MACROD2: variants seen among roughly 807,000 people sequenced by gnomAD.
MACROD2 encodes mono-ADP ribosylhydrolase 2.
In MACROD2, 36 loss-of-function variants were observed where a neutral mutation model predicts 70.4. The observed-to-expected ratio is 0.51, with a 90% CI of 0.39 to 0.68. The LOEUF (loss-of-function observed/expected upper bound fraction) is 0.68, where lower values mean the gene tolerates loss of function less well. Ranked by LOEUF, MACROD2 falls within the 30% of genes least tolerant of loss-of-function variation. MACROD2 has a pLI of 0.00. For synonymous variants in MACROD2, 172 were observed against 178.8 expected (o/e 0.96, Z 0.30); for missense variants, 496 against 538.4 (o/e 0.92, Z 0.78).
At chr20:14,190,692 A>ATATT (rs2081378087) in intron 3 of MACROD2, among the ~76,000 whole-genome samples, 1 of 39,938 alleles carries the variant, frequency 2.5e-5, no homozygotes, top group Non-Finnish European at 4.4e-5. Flanking sequence ...ATATATATAT[A>ATATT]TATATATTTT....
chr20:15,384,693 A>G (rs892976987), intron 6 of MACROD2, among the ~76,000 whole-genome samples: 2 of 152,208 alleles, frequency 1.3e-5, no homozygotes, highest in African/African-American at 4.8e-5. Flanking sequence ...GTGTATTTAT[A>G]TATACTATCT....
At chr20:14,738,035 T>C (rs964448555) in intron 5 of MACROD2, among the ~76,000 whole-genome samples, 1 of 152,120 alleles carries the variant, frequency 6.6e-6, no homozygotes, top group Non-Finnish European at 1.5e-5. Context: ...GCTATATACA[T>C]ATTTCAGAAA....
chr20:14,167,007 C>T (rs1345664568), intron 3 of MACROD2, among the ~76,000 whole-genome samples: 3 of 152,214 alleles, frequency 2.0e-5, no homozygotes, highest in African/African-American at 7.2e-5. Flanking sequence ...CTCTGCATTT[C>T]TGGTTTTGGT....
intron 5 of MACROD2, among the ~76,000 whole-genome samples, chr20:15,039,723 C>G (rs1446391155): frequency 6.6e-6 from 1 of 152,138 alleles, no homozygotes; most frequent in Non-Finnish European, 1.5e-5. Flanking sequence ...GAGAAATCAA[C>G]TGGAGACAGC....
At chr20:15,850,073 G>T (rs1386672850) in intron 8 of MACROD2, among the ~76,000 whole-genome samples, 2 of 152,084 alleles carry the variant, frequency 1.3e-5, no homozygotes, top group Non-Finnish European at 2.9e-5. Flanking sequence ...AGATGAAGTG[G>T]ATATCTGACC....
At chr20:14,024,975 A>G (rs1338477550) in intron 2 of MACROD2, among the ~76,000 whole-genome samples, 1 of 152,182 alleles carries the variant, frequency 6.6e-6, no homozygotes, top group East Asian at 1.9e-4. Context: ...ACTCTGGTAG[A>G]ATTCAATTGT....
intron 8 of MACROD2, among the ~76,000 whole-genome samples, chr20:15,660,073 T>C (rs1157359199): frequency 6.6e-6 from 1 of 152,066 alleles, no homozygotes; most frequent in East Asian, 1.9e-4. Flanking sequence ...TACAGTCACA[T>C]AAAAGTGATC....
chr20:14,078,086 T>G (rs6042512), intron 2 of MACROD2, among the ~76,000 whole-genome samples: 1 of 152,034 alleles, frequency 6.6e-6, no homozygotes, highest in Non-Finnish European at 1.5e-5. Flanking sequence ...ATTTTTAGTA[T>G]AGACGGGGTT....
intron 5 of MACROD2, among the ~76,000 whole-genome samples, chr20:14,862,007 A>ATATATATTTATATATATATATATATATT (rs1568838660): frequency 1.7e-4 from 4 of 23,094 alleles, no homozygotes; most frequent in African/African-American, 1.5e-4. Flanking sequence ...ATATATATTT[A>ATATATATTTATATATATATATATATATT]TATATATATA....
chr20:15,524,836 C>T (rs911595042), intron 8 of MACROD2, among the ~76,000 whole-genome samples: 1 of 152,204 alleles, frequency 6.6e-6, no homozygotes, highest in African/African-American at 2.4e-5. Flanking sequence ...AACCACATTT[C>T]AAGGACTCAA....
At chr20:14,368,089 C>T (rs183712592) in intron 3 of MACROD2, among the ~76,000 whole-genome samples, 133 of 152,292 alleles carry the variant, frequency 8.7e-4, no homozygotes, top group Non-Finnish European at 1.3e-3. Flanking sequence ...GTTTATACAT[C>T]ACATTGCTGA....
chr20:14,173,188 G>A (rs1051518363), intron 3 of MACROD2, among the ~76,000 whole-genome samples: 1 of 152,136 alleles, frequency 6.6e-6, no homozygotes, highest in Non-Finnish European at 1.5e-5. Context: ...CAGATCTCTA[G>A]CAAGGCCAGG....
intron 8 of MACROD2, among the ~76,000 whole-genome samples, chr20:15,610,872 A>G (rs1424698275): frequency 1.3e-5 from 2 of 152,066 alleles, no homozygotes. Flanking sequence ...CTGTGGCCTC[A>G]TGCAGAAGGC....
intron 4 of MACROD2, among the ~76,000 whole-genome samples, chr20:14,559,249 A>C (rs1347806609): frequency 2.0e-5 from 3 of 151,768 alleles, no homozygotes; most frequent in Non-Finnish European, 3.0e-5. Context: ...GTGTTCTTTG[A>C]ATTTACACTT....
At chr20:15,119,170 T>C (rs1040881) in intron 5 of MACROD2, among the ~76,000 whole-genome samples, 32,830 of 152,112 alleles carry the variant, frequency 0.22, 4,870 homozygotes, top group Non-Finnish European at 0.33. Flanking sequence ...TATTGGCCCA[T>C]AGAGATTGAT....
intron 13 of MACROD2, among the ~76,000 whole-genome samples, chr20:15,970,314 T>C (rs1279418219): frequency 6.6e-6 from 1 of 152,196 alleles, no homozygotes; most frequent in Admixed American, 6.5e-5. Context: ...TAGATAAATA[T>C]TGATGGTATA....
chr20:15,582,967 T>C (rs1475069368), intron 8 of MACROD2, among the ~76,000 whole-genome samples: 2 of 152,060 alleles, frequency 1.3e-5, no homozygotes, highest in African/African-American at 4.8e-5. Context: ...TGACTTCCCC[T>C]GCAATTGCAA....
At chr20:15,403,923 G>A (rs2045963774) in intron 6 of MACROD2, among the ~76,000 whole-genome samples, 1 of 152,176 alleles carries the variant, frequency 6.6e-6, no homozygotes, top group South Asian at 2.1e-4. Context: ...CTATAATGGT[G>A]CCTACAAGGG....
At chr20:14,474,735 C>G (rs1379824236) in intron 3 of MACROD2, among the ~76,000 whole-genome samples, 1 of 152,008 alleles carries the variant, frequency 6.6e-6, no homozygotes, top group Admixed American at 6.6e-5. Context: ...ATTTTTGTTG[C>G]TTTTCACAGT....
Sources: allele counts gnomAD v4.1 joint callset (sites outside exome capture counted in the v4.1 genomes callset), GRCh38; gene constraint gnomAD v4.1.1; transcripts MANE v1.5; gene names NCBI Gene and HGNC (gene_info 2026-07-23, HGNC 2026-07-21).